ARHGAP39: variants seen among roughly 807,000 people sequenced by gnomAD.
ARHGAP39 encodes the protein Rho GTPase activating protein 39.
A neutral mutation model predicts 106.9 loss-of-function variants in ARHGAP39; 44 were observed. That is an observed-to-expected ratio of 0.41 (90% confidence interval 0.32 to 0.53). The LOEUF is 0.53. Among genes scored for constraint, ARHGAP39 ranks in the 20% least tolerant of loss-of-function variants. The pLI is 0.21. For synonymous variants in ARHGAP39, 768 were observed against 693.2 expected, an observed-to-expected ratio of 1.11 and a Z score of -1.69; for missense variants, 1,496 against 1,577.3, an observed-to-expected ratio of 0.95 and a Z score of 0.87.
At chr8:144,622,054 C>T (rs1303230350) in intron 1 of ARHGAP39, among the ~76,000 whole-genome samples, 2 of 152,168 alleles carry the variant, frequency 1.3e-5, no homozygotes, top group Admixed American at 1.3e-4. Flanking sequence ...CTTTCATTTA[C>T]CCCACAGAAA....
intron 1 of ARHGAP39, among the ~76,000 whole-genome samples, chr8:144,608,220 T>G (rs1820369666): frequency 1.3e-5 from 2 of 151,776 alleles, no homozygotes; most frequent in South Asian, 4.2e-4. Context: ...TATTTTTAAT[T>G]TCTTGTTTGA....
chr8:144,622,650 C>G (rs574444947), intron 1 of ARHGAP39, among the ~76,000 whole-genome samples: 1 of 152,190 alleles, frequency 6.6e-6, no homozygotes, highest in Non-Finnish European at 1.5e-5. Flanking sequence ...CAGCTTTGAC[C>G]AGACCTTTAA....
intron 1 of ARHGAP39, among the ~76,000 whole-genome samples, chr8:144,615,462 A>G (rs1034455899): frequency 1.3e-5 from 2 of 151,948 alleles, no homozygotes; most frequent in East Asian, 3.9e-4. Flanking sequence ...CATCAATGCT[A>G]TCTCCAAAAA....
intron 2 of ARHGAP39, among the ~76,000 whole-genome samples, chr8:144,592,186 G>C (rs1450692289): frequency 6.6e-6 from 1 of 152,198 alleles, no homozygotes; most frequent in Non-Finnish European, 1.5e-5. Context: ...TCCTGCGCGC[G>C]TGTGGGCAGA....
chr8:144,622,205 C>T (rs1233176354), intron 1 of ARHGAP39, among the ~76,000 whole-genome samples: 3 of 152,126 alleles, frequency 2.0e-5, no homozygotes, highest in Admixed American at 6.5e-5. Flanking sequence ...TGAGGGGTCC[C>T]GGGCAAAGCG....
intron 1 of ARHGAP39, among the ~76,000 whole-genome samples, chr8:144,643,356 A>C (rs1414794982): frequency 6.6e-6 from 1 of 152,096 alleles, no homozygotes; most frequent in Non-Finnish European, 1.5e-5. Flanking sequence ...TGGGAGGCCG[A>C]GTGGGAGGAC....
chr8:144,621,719 G>C (rs1179033401), intron 1 of ARHGAP39, among the ~76,000 whole-genome samples: 1 of 152,258 alleles, frequency 6.6e-6, no homozygotes, highest in Non-Finnish European at 1.5e-5. Flanking sequence ...TCAGGAGGCT[G>C]AGGTGGGAGG....
rs771183983 is a variant in ARHGAP39 at position 144,530,887 on chromosome 8, G to A, written c.2981-16C>T. On this transcript the variant is annotated splice_polypyrimidine_tract_variant and intron_variant, in intron 10 of 11. Coordinates refer to ENST00000377307, the MANE Select transcript of ARHGAP39 (RefSeq NM_025251.3). ...AGCAGGGACGCTGGGGACACAGCAC[G>A]GGGCTCAGCGGCCCTGCTCGGCGGG... 230 of 1,598,320 alleles carry A rather than the reference G, an allele frequency of 1.4e-4. No homozygotes were observed. Among genetic ancestry groups the A allele is most frequent in the Non-Finnish European group, 1.7e-4 (205 of 1,173,292 alleles).
intron 7 of ARHGAP39, among the ~76,000 whole-genome samples, chr8:144,534,477 A>C (rs964872595): frequency 6.6e-6 from 1 of 152,190 alleles, no homozygotes; most frequent in African/African-American, 2.4e-5. Context: ...AGGAACAGGA[A>C]GGGCAGGACC....
rs769274755 is a variant in ARHGAP39 at position 144,530,545 on chromosome 8, G to C, written c.3222C>G (p.Pro1074=). Residue 1074 remains proline, a synonymous_variant, in exon 12 of 12, where the codon CCC becomes CCG. Coordinates refer to ENST00000377307, the MANE Select transcript of ARHGAP39 (RefSeq NM_025251.3). ...CGTCGGACTGGCAGCGCAAGCAGTT[G>C]GGCGCCATCACCATGGCCAGGTTGC... ...DVSNLAMVMA[P]NCLRCQSDDP... The C allele has an allele frequency of 1.3e-5, 21 of 1,611,862 alleles. No homozygotes were observed. In the East Asian group the frequency reaches 4.5e-4, roughly 34 times the overall value.
At chr8:144,672,866 T>G (rs1369407814) in intron 1 of ARHGAP39, among the ~76,000 whole-genome samples, 1 of 152,142 alleles carries the variant, frequency 6.6e-6, no homozygotes, top group Non-Finnish European at 1.5e-5. Context: ...TAAGTCAATG[T>G]TTAACTCAAG....
chr8:144,696,197 G>A, the ARHGAP39 span, among the ~76,000 whole-genome samples: 1 of 152,050 alleles, frequency 6.6e-6, no homozygotes, highest in East Asian at 1.9e-4. Context: ...GGAGTGCAGT[G>A]GCACAATCTC....
intron 1 of ARHGAP39, among the ~76,000 whole-genome samples, chr8:144,627,153 C>T (rs910251167): frequency 9.9e-5 from 15 of 152,174 alleles, no homozygotes; most frequent in Non-Finnish European, 2.1e-4. Context: ...TGGATCCGAC[C>T]GCCATCCCAG....
At chr8:144,662,337 G>C (rs565022676) in intron 1 of ARHGAP39, among the ~76,000 whole-genome samples, 8 of 141,714 alleles carry the variant, frequency 5.6e-5, no homozygotes, top group Non-Finnish European at 9.1e-5. Flanking sequence ...ATCCGCCTTA[G>C]AGCGATTCCC....
chr8:144,563,328 A>C (rs1322940929), intron 3 of ARHGAP39, among the ~76,000 whole-genome samples: 1 of 152,210 alleles, frequency 6.6e-6, no homozygotes, highest in Non-Finnish European at 1.5e-5. Flanking sequence ...TAGTTCCATG[A>C]ATTTTTGTCA....
chr8:144,532,868 C>T lies in ARHGAP39; in HGVS notation c.2888+258G>A, dbSNP rs543010034. On this transcript the variant is annotated intron_variant, in intron 9 of 11. Coordinates refer to ENST00000377307, the MANE Select transcript of ARHGAP39 (RefSeq NM_025251.3). ...GGCTGGTGTCCAAGCACGCTCTGGACCCCTGGTGGCCGTCTCTGCAGGGGC... is the reference window on the plus strand; with the variant it reads ...GGCTGGTGTCCAAGCACGCTCTGGATCCCTGGTGGCCGTCTCTGCAGGGGC... Among the ~76,000 whole-genome samples the T allele has an allele frequency of 8.5e-5, 13 of 152,326 alleles. 1 individual carries two copies. Among genetic ancestry groups the T allele is most frequent in the African/African-American group, 3.1e-4 (13 of 41,570 alleles).
At chr8:144,603,457 G>A (rs1481462292) in intron 2 of ARHGAP39, among the ~76,000 whole-genome samples, 3 of 152,096 alleles carry the variant, frequency 2.0e-5, no homozygotes, top group Non-Finnish European at 4.4e-5. Context: ...TTGGGAGGCC[G>A]AGGCGGGCAG....
intron 2 of ARHGAP39, 133 bp downstream of exon 2, chr8:144,605,402 G>T: frequency 1.1e-6 from 1 of 946,582 alleles, no homozygotes; most frequent in Non-Finnish European, 1.6e-6. Context: ...GGCCATCCAG[G>T]CCTTGGGAAC....
chr8:144,613,955 C>A (rs368287285), intron 1 of ARHGAP39, among the ~76,000 whole-genome samples: 2 of 152,138 alleles, frequency 1.3e-5, no homozygotes, highest in East Asian at 3.9e-4. Flanking sequence ...TAAAGTATTT[C>A]TTTTCCTTGT....
Sources: gnomAD v4.1 joint callset for allele counts (sites outside exome capture counted in the v4.1 genomes callset) on GRCh38, gnomAD v4.1.1 for gene constraint, MANE v1.5 for transcripts, NCBI Gene and HGNC (gene_info 2026-07-23, HGNC 2026-07-21) for gene names.